SEC14L5: variants seen among roughly 807,000 people sequenced by gnomAD.
SEC14L5 encodes the protein SEC14-like protein 5.
Under a neutral mutation model 84.6 loss-of-function variants are expected in SEC14L5, and 96 were observed. That is an observed-to-expected ratio of 1.13 (90% confidence interval 0.96 to 1.34). The LOEUF (loss-of-function observed/expected upper bound fraction) is 1.34. Among genes scored for constraint, SEC14L5 ranks in the 40% most tolerant of loss-of-function variants. SEC14L5 has a pLI of 0.00. For missense variants in SEC14L5, 1,224 were observed against 942.5 expected (o/e 1.30, Z -3.91); for synonymous variants, 546 against 383.4 (o/e 1.42, Z -4.95).
At chr16:4,964,715 C>A (rs892772089) in intron 2 of SEC14L5, among the ~76,000 whole-genome samples, 5 of 152,026 alleles carry the variant, frequency 3.3e-5, no homozygotes, top group African/African-American at 1.2e-4. Context: ...GGATTACAGG[C>A]GTGAGCCACT....
rs1003982905 is a variant in SEC14L5 at position 5,017,019 on chromosome 16, C to A, written c.*2049C>A. 6.6e-6 allele frequency: 1 copy of A among 152,266 alleles called. No individual in the cohort carries two copies. Among genetic ancestry groups the A allele is most frequent in the Non-Finnish European group, 1.5e-5 (1 of 68,046 alleles). 9.4% of individuals were successfully genotyped at this position (152,266 alleles called of 1,614,324 possible). The stretch of plus-strand genomic sequence containing the variant: ...AGCAACTTGCAATATTTTCAACTAT[C>A]TTTAAGTGAATTTCTAGCTTTTCTC... On this transcript the variant is annotated 3_prime_UTR_variant, in exon 16 of 16. Transcript: ENST00000251170.
At chr16:5,001,806 T>C (rs1250315174) in intron 10 of SEC14L5, among the ~76,000 whole-genome samples, 1 of 151,622 alleles carries the variant, frequency 6.6e-6, no homozygotes, top group Non-Finnish European at 1.5e-5. Flanking sequence ...AGGCTCTCAC[T>C]CTGTCACCCA....
At position 5,011,086 on chromosome 16, in the gene SEC14L5, GTGTTTCAGGGCTCCCA is replaced by G; in HGVS notation, c.1801-5_1811del. On this transcript the variant is annotated splice_acceptor_variant and splice_polypyrimidine_tract_variant and coding_sequence_variant and intron_variant, in exon 15 of 16. Transcript: ENST00000251170. LOFTEE classifies it high-confidence loss of function. ...CGCAGGGCCTCAGGGCAGGGCTGAT[GTGTTTCAGGGCTCCCA>G]TGTGACCCGGTGGCCCGGCGTCTAC... is the stretch of plus-strand genomic sequence containing the variant. The G allele has an allele frequency of 1.3e-6, 2 of 1,590,916 alleles. No homozygotes were observed. Among genetic ancestry groups the G allele is most frequent in the Non-Finnish European group, 1.7e-6 (2 of 1,169,052 alleles).
chr16:4,968,495 A>T (rs997605648), intron 2 of SEC14L5, among the ~76,000 whole-genome samples: 1 of 152,154 alleles, frequency 6.6e-6, no homozygotes, highest in South Asian at 2.1e-4. Flanking sequence ...GGCTAATTTT[A>T]AAAAATATTT....
chr16:4,978,741 T>C (rs11642642), intron 2 of SEC14L5, among the ~76,000 whole-genome samples: 41,291 of 151,630 alleles, frequency 0.27, 5,849 homozygotes, highest in Admixed American at 0.34. Context: ...TAGCTGGAAC[T>C]ACAGGCGCCT....
intron 2 of SEC14L5, among the ~76,000 whole-genome samples, chr16:4,974,192 C>T (rs1393420712): frequency 6.6e-6 from 1 of 152,020 alleles, no homozygotes; most frequent in East Asian, 1.9e-4. Context: ...CATGAATGTA[C>T]TGAATGAAAC....
intron 2 of SEC14L5, among the ~76,000 whole-genome samples, chr16:4,976,716 C>A (rs1251284192): frequency 1.3e-5 from 2 of 152,178 alleles, no homozygotes; most frequent in Non-Finnish European, 2.9e-5. Flanking sequence ...CAGCTGTGGG[C>A]TCTGGGCTTT....
chr16:4,987,960 T>G (rs1171254546), intron 3 of SEC14L5, among the ~76,000 whole-genome samples, 189 bp from the exon 4 acceptor site: 1 of 146,138 alleles, frequency 6.8e-6, no homozygotes, highest in Non-Finnish European at 1.5e-5. Context: ...AGCTGGGTGG[T>G]GAAGATGGGT....
intron 15 of SEC14L5, among the ~76,000 whole-genome samples, chr16:5,011,948 G>A (rs977134164): frequency 6.6e-6 from 1 of 152,148 alleles, no homozygotes; most frequent in South Asian, 2.1e-4. Context: ...AAGCACTTAT[G>A]ATTTTGCACC....
In SEC14L5 at chr16:5,012,045, A is replaced by G. The variant is rs567288576; in HGVS notation, c.1979+772A>G. On this transcript the variant is annotated intron_variant, in intron 15 of 15. Transcript: ENST00000251170. Reference sequence around the variant, plus strand: ...TGGGGGTAAAATTAAGGCTCAAGGAAGGTGCTGAGTCTAGACCTCAAATTC... The same window carrying G: ...TGGGGGTAAAATTAAGGCTCAAGGAGGGTGCTGAGTCTAGACCTCAAATTC... Among the ~76,000 whole-genome samples, 27 of 152,330 alleles carry G rather than the reference A, an allele frequency of 1.8e-4. 1 individual carries two copies. The South Asian group carries it at 4.4e-3, about 25-fold the overall frequency.
chr16:5,000,748 G>A lies in SEC14L5; in HGVS notation c.1059+5G>A, dbSNP rs764481085. On this transcript the variant is annotated splice_donor_5th_base_variant and intron_variant, in intron 9 of 15. Coordinates refer to ENST00000251170, the MANE Select transcript of SEC14L5 (RefSeq NM_014692.2). ...GAGGAGGCGCTGCTGCGGCATGTGA[G>A]TCAGGGGCCTCGTTCCTGGACGCCG... 2 of 1,553,494 alleles carry A rather than the reference G, an allele frequency of 1.3e-6. No individual in the cohort carries two copies. The highest frequency in any genetic ancestry group is 1.7e-6 in the Non-Finnish European group (2 of 1,148,314).
At chr16:4,988,415 G>A in intron 4 of SEC14L5, 135 bp downstream of exon 4, 3 of 1,094,088 alleles carry the variant, frequency 2.7e-6, no homozygotes, top group Middle Eastern at 4.8e-4. Context: ...CAAGAAAGAT[G>A]CAGGATGCTT....
chr16:5,009,614 A>G (rs1372426863), intron 14 of SEC14L5, among the ~76,000 whole-genome samples: 1 of 152,098 alleles, frequency 6.6e-6, no homozygotes, highest in Non-Finnish European at 1.5e-5. Context: ...GTGAGCCACC[A>G]TGGCTGGCCT....
At chr16:4,976,011 G>A (rs1355317057) in intron 2 of SEC14L5, among the ~76,000 whole-genome samples, 2 of 152,196 alleles carry the variant, frequency 1.3e-5, no homozygotes, top group African/African-American at 4.8e-5. Context: ...AGAACAGGAA[G>A]GAAGGAAGGA....
intron 6 of SEC14L5, among the ~76,000 whole-genome samples, chr16:4,993,330 C>T (rs1402754573): frequency 1.3e-5 from 2 of 152,154 alleles, no homozygotes; most frequent in African/African-American, 4.8e-5. Context: ...CAACCTCTGC[C>T]TCCCGGCTTC....
rs1314765708 is a variant in SEC14L5 at position 5,007,429 on chromosome 16, G to A, written c.1515G>A (p.Leu505=). Residue 505 remains leucine (L), a synonymous_variant, in exon 13 of 16, where the codon CTG becomes CTA. Coordinates refer to ENST00000251170, the MANE Select transcript of SEC14L5 (RefSeq NM_014692.2). ...AGGAGCAGGAGCACACGGACCAGCT[G>A]TGGCAGTGGAGTGAGACCTACCATT... The part of the protein sequence containing the change: ...TEEEQEHTDQ[L]WQWSETYHSA... The A allele has an allele frequency of 6.2e-7, 1 of 1,613,880 alleles. No homozygotes were observed. The highest frequency in any genetic ancestry group is 1.3e-5 in the African/African-American group (1 of 75,060).
chr16:5,015,881 G>C lies in SEC14L5; in HGVS notation c.*911G>C, dbSNP rs1046977540. ...AAGCCTGACCATCCCTGATTGGAGA[G>C]GGTGGGAGAGCCCTGGGTTTCTGCT... On this transcript the variant is annotated 3_prime_UTR_variant, in exon 16 of 16. Transcript: ENST00000251170. 1.3e-5 allele frequency: 2 copies of C among 152,334 alleles called. No individual in the cohort carries two copies. Among genetic ancestry groups the C allele is most frequent in the African/African-American group, 4.8e-5 (2 of 41,472 alleles). 9.4% of individuals were successfully genotyped at this position (152,334 alleles called of 1,614,324 possible).
In SEC14L5 at chr16:4,995,875, C is replaced by T. The variant is rs117271448; in HGVS notation, c.668-473C>T. ...TCCTGACTTCAAGTGATCTGCCTGC[C>T]GTGGGCTCCCAAAGTCCTGGGATTA... is the stretch of plus-strand genomic sequence containing the variant. On this transcript the variant is annotated intron_variant, in intron 6 of 15. Coordinates refer to ENST00000251170, the MANE Select transcript of SEC14L5 (RefSeq NM_014692.2). Among the ~76,000 whole-genome samples the T allele has an allele frequency of 5.7e-3, 863 of 152,202 alleles. 29 individuals are homozygous for T. The highest frequency in any genetic ancestry group is 0.052 in the East Asian group (271 of 5,178).
Position 5,014,977 on chromosome 16 carries a change from C to T in SEC14L5, c.*7C>T, listed in dbSNP as rs769103140. The stretch of plus-strand genomic sequence containing the variant: ...CTCCCTGGTCTCCAGATAGCCGGGC[C>T]CAGTGTTTCAGGGCCGCCCGCTCGC... On this transcript the variant is annotated 3_prime_UTR_variant, in exon 16 of 16. Transcript: ENST00000251170. The T allele has an allele frequency of 6.2e-7, 1 of 1,604,838 alleles. No individual in the cohort carries two copies. Among genetic ancestry groups the T allele is most frequent in the East Asian group, 2.2e-5 (1 of 44,848 alleles).
Sources: allele counts gnomAD v4.1 joint callset (sites outside exome capture counted in the v4.1 genomes callset), GRCh38; gene constraint gnomAD v4.1.1; transcripts MANE v1.5; gene names NCBI Gene and HGNC (gene_info 2026-07-23, HGNC 2026-07-21).